The following MAPK6 variants were observed in gnomAD, a reference collection of about 807,000 sequenced individuals.
MAPK6 encodes the protein ERK-3.
Under a neutral mutation model 59.3 loss-of-function variants are expected in MAPK6, and 19 were observed. The ratio of observed to expected loss-of-function variants is 0.32; its 90% CI spans 0.22 to 0.47. MAPK6 has a LOEUF of 0.47. Among genes scored for constraint, MAPK6 ranks in the 20% least tolerant of loss-of-function variants. The probability of loss-of-function intolerance (pLI) is 1.00; values close to 1 mark genes in which losing one functional copy is unlikely to be tolerated. For missense variants in MAPK6, 724 were observed against 847.9 expected (o/e 0.85, Z 1.81); for synonymous variants, 316 against 290.3 (o/e 1.09, Z -0.90).
intron 3 of MAPK6, among the ~76,000 whole-genome samples, chr15:52,004,715 C>A (rs1475282658): frequency 6.6e-6 from 1 of 152,168 alleles, no homozygotes; most frequent in Non-Finnish European, 1.5e-5. Context: ...GAGGGCAAGA[C>A]ATTGAACTTG....
At chr15:52,027,947 A>ATTTTTTTTTTTTT (rs34981319) in intron 1 of MAPK6, 3 of 54,684 alleles carry the variant, frequency 5.5e-5, no homozygotes, top group Non-Finnish European at 9.6e-5. Context: ...TAATTTTTGT[A>ATTTTTTTTTTTTT]TTTTTTTTTT....
chr15:51,975,564 C>G lies in MAPK6; in HGVS notation c.-880+3658C>G, dbSNP rs1035298766. The stretch of plus-strand genomic sequence containing the variant: ...AAAAAAAAAAAGTATAAAATATATA[C>G]TTACACCAAATCACACAAAAAGGAA... On this transcript the variant is annotated intron_variant, in intron 1 of 7. Transcript: ENST00000691380. Among the ~76,000 whole-genome samples, 4 of 151,816 alleles carry G rather than the reference C, an allele frequency of 2.6e-5. No homozygotes were observed. In the South Asian group the frequency reaches 8.3e-4, roughly 32 times the overall value.
At chr15:52,058,213 T>C (rs1231030640) in intron 3 of MAPK6, among the ~76,000 whole-genome samples, 1 of 152,230 alleles carries the variant, frequency 6.6e-6, no homozygotes, top group Non-Finnish European at 1.5e-5. Context: ...TAAAACTTCC[T>C]GTTTTACAAG....
At chr15:52,010,031 A>G (rs1378591175) in intron 3 of MAPK6, among the ~76,000 whole-genome samples, 1 of 152,032 alleles carries the variant, frequency 6.6e-6, no homozygotes, top group Non-Finnish European at 1.5e-5. Context: ...TCAGCCTCCC[A>G]AAGTGCTGGG....
chr15:52,025,201 G>T (rs766639458), intron 1 of MAPK6, among the ~76,000 whole-genome samples: 1 of 151,912 alleles, frequency 6.6e-6, no homozygotes, highest in East Asian at 1.9e-4. Flanking sequence ...TGATCGCACC[G>T]CAGCGTTCCA....
intron 1 of MAPK6, chr15:52,027,510 T>A (rs2030846927): frequency 6.6e-6 from 1 of 151,658 alleles, no homozygotes. Flanking sequence ...AGTCTTCATC[T>A]CTACCCGTTA....
At chr15:52,062,911 C>T (rs1189615435) in intron 5 of MAPK6, among the ~76,000 whole-genome samples, 1 of 151,728 alleles carries the variant, frequency 6.6e-6, no homozygotes, top group Non-Finnish European at 1.5e-5. Flanking sequence ...TGATGTATGG[C>T]CAAGTTTGGG....
chr15:52,066,699 A>C lies in MAPK6; in HGVS notation c.*1699A>C, dbSNP rs1299277101. 6.6e-6 allele frequency: 1 copy of C among 151,530 alleles called. No individual in the cohort carries two copies. The highest frequency in any genetic ancestry group is 1.5e-5 in the Non-Finnish European group (1 of 67,864). 9.4% of individuals were successfully genotyped at this position (151,530 alleles called of 1,614,324 possible). The stretch of plus-strand genomic sequence containing the variant: ...GTTTTGTACAACACCAATTCTATTA[A>C]TATCTGCCCACCTACCTTCTCAACA... On this transcript the variant is annotated 3_prime_UTR_variant, in exon 6 of 6. Transcript: ENST00000261845.
intron 2 of MAPK6, among the ~76,000 whole-genome samples, chr15:51,987,650 C>T (rs1284281911): frequency 1.3e-5 from 2 of 151,866 alleles, no homozygotes; most frequent in South Asian, 2.1e-4. Flanking sequence ...CTCAGTAAAA[C>T]CAACCCAGTA....
intron 3 of MAPK6, among the ~76,000 whole-genome samples, chr15:52,051,210 C>T (rs1323873434): frequency 1.3e-5 from 2 of 151,970 alleles, no homozygotes; most frequent in African/African-American, 2.4e-5. Context: ...GGCGCCCGCC[C>T]CGTCGCCCGG....
chr15:52,033,107 G>A (rs960943340), intron 1 of MAPK6, among the ~76,000 whole-genome samples: 1 of 152,208 alleles, frequency 6.6e-6, no homozygotes, highest in African/African-American at 2.4e-5. Context: ...ACGGCACCTG[G>A]CATCTTTCTA....
At chr15:51,999,826 T>G (rs974393255) in intron 2 of MAPK6, among the ~76,000 whole-genome samples, 1 of 152,116 alleles carries the variant, frequency 6.6e-6, no homozygotes, top group Admixed American at 6.5e-5. Flanking sequence ...GTATTTTCTG[T>G]AGAGACAGGG....
chr15:52,047,115 T>A (rs2031615824), intron 2 of MAPK6, 100 bp downstream of exon 2: 5 of 884,726 alleles, frequency 5.7e-6, no homozygotes, highest in Non-Finnish European at 8.1e-6. Flanking sequence ...GAATTTTTAA[T>A]CTTATTAAAC....
intron 1 of MAPK6, among the ~76,000 whole-genome samples, chr15:52,026,710 T>G (rs746449780): frequency 2.0e-5 from 3 of 152,178 alleles, no homozygotes; most frequent in Non-Finnish European, 2.9e-5. Flanking sequence ...TAAAATGACA[T>G]TTACAAGACT....
intron 1 of MAPK6, among the ~76,000 whole-genome samples, chr15:52,033,311 A>AG (rs1297049018): frequency 6.6e-6 from 1 of 151,950 alleles, no homozygotes; most frequent in Non-Finnish European, 1.5e-5. Flanking sequence ...GGACTGGGAG[A>AG]GGAAAACCCA....
Position 51,998,687 on chromosome 15 carries a change from A to ATTTTTTTTTTTTTTTTTTTTTTTTTTTTT in MAPK6, c.-769-5557_-769-5556insTTTTTTTTTTTTTTTTTTTTTTTTTTTTT, listed in dbSNP as rs964775744. On this transcript the variant is annotated intron_variant, in intron 2 of 7. Transcript: ENST00000691380. ...AGGCGTGCGCCACCATGCCTGGTTA[A>ATTTTTTTTTTTTTTTTTTTTTTTTTTTTT]TTTTTTTTTTTTTTTTTTTTTGAGA... 1.0e-4 allele frequency among the ~76,000 whole-genome samples: 4 copies of ATTTTTTTTTTTTTTTTTTTTTTTTTTTTT among 38,494 alleles called. 2 individuals carry two copies. The highest frequency in any genetic ancestry group is 1.8e-4 in the African/African-American group (2 of 11,372). The allele number at this position is 38,494 out of a possible 152,430, so 25.3% of individuals were successfully genotyped here.
chr15:52,050,153 G>A lies in MAPK6; in HGVS notation c.700+16G>A, dbSNP rs759835661. 2.5e-6 allele frequency: 4 copies of A among 1,583,312 alleles called. No homozygotes were observed. Among genetic ancestry groups the A allele is most frequent in the Non-Finnish European group, 2.6e-6 (3 of 1,172,962 alleles). ...CTTTTTGCAGGTTAGTATTTTGTGGGGGGAAAAATTTTCCCAAAGAGAAGT... is the reference window on the plus strand; with the variant it reads ...CTTTTTGCAGGTTAGTATTTTGTGGAGGGAAAAATTTTCCCAAAGAGAAGT... On this transcript the variant is annotated intron_variant, in intron 3 of 5. Coordinates refer to ENST00000261845, the MANE Select transcript of MAPK6 (RefSeq NM_002748.4).
intron 2 of MAPK6, among the ~76,000 whole-genome samples, chr15:51,989,017 A>G (rs2057200047): frequency 6.6e-6 from 1 of 151,546 alleles, no homozygotes. Context: ...CTAAGGACAT[A>G]TGTAATTCCA....
rs368204873 is a variant in MAPK6, at chr15:52,050,038, C to T, written c.601C>T (p.Arg201Cys). The change falls in exon 3 of 6, where the codon CGT (arginine) becomes TGT (cysteine). Residue 201 changes from arginine to cysteine, a missense_variant. Transcript: ENST00000261845. ...GLVTKWYRSPRLLLSPNNYTK... is the reference protein window; with the variant it reads ...GLVTKWYRSPCLLLSPNNYTK... Reference sequence around the variant, plus strand: ...GGTTACTAAATGGTACAGATCTCCACGTCTTTTACTTTCTCCTAATAATTA... The same window carrying T: ...GGTTACTAAATGGTACAGATCTCCATGTCTTTTACTTTCTCCTAATAATTA... 7.4e-6 allele frequency: 12 copies of T among 1,612,062 alleles called. No homozygotes were observed. The highest frequency in any genetic ancestry group is 2.7e-5 in the African/African-American group (2 of 74,954).
Sources: allele counts gnomAD v4.1 joint callset (sites outside exome capture counted in the v4.1 genomes callset), GRCh38; gene constraint gnomAD v4.1.1; transcripts MANE v1.5; gene names NCBI Gene and HGNC (gene_info 2026-07-23, HGNC 2026-07-21).